The following DCLK1 variants were observed in gnomAD, a reference collection of about 807,000 sequenced individuals.
DCLK1 encodes the protein doublecortin like kinase 1, also known as serine/threonine-protein kinase DCLK1.
A neutral mutation model predicts 86.2 loss-of-function variants in DCLK1; 16 were observed. That is an observed-to-expected ratio of 0.19 (90% CI 0.13 to 0.28). The LOEUF is 0.28. DCLK1 is among the 10% of genes least tolerant of loss of function. The probability of loss-of-function intolerance (pLI) is 1.00; values close to 1 mark genes in which losing one functional copy is unlikely to be tolerated. For missense variants in DCLK1, 590 were observed against 940.2 expected, an observed-to-expected ratio of 0.63 and a Z score of 4.87; for synonymous variants, 369 against 370.5, an observed-to-expected ratio of 1.00 and a Z score of 0.05.
At chr13:35,936,695 C>T (rs556856566) in intron 4 of DCLK1, among the ~76,000 whole-genome samples, 5 of 152,260 alleles carry the variant, frequency 3.3e-5, no homozygotes, top group African/African-American at 1.2e-4. Context: ...CTGAAGGAGG[C>T]TTGGCTGTAC....
intron 3 of DCLK1, among the ~76,000 whole-genome samples, chr13:36,068,697 A>T (rs185743829): frequency 2.6e-5 from 4 of 152,102 alleles, no homozygotes; most frequent in Non-Finnish European, 2.9e-5. Context: ...AAGACACACA[A>T]CTCAAATTAA....
rs186418511 is a variant in DCLK1 at position 35,915,662 on chromosome 13, C to A, written c.823+31696G>T. Among the ~76,000 whole-genome samples the A allele has an allele frequency of 1.8e-3, 281 of 151,930 alleles. 4 individuals are homozygous for A. The highest frequency in any genetic ancestry group is 0.013 in the South Asian group (65 of 4,820). On this transcript the variant is annotated intron_variant, in intron 4 of 16. Coordinates refer to ENST00000360631, the MANE Select transcript of DCLK1 (RefSeq NM_001330071.2). ...GAGGCTGCAGTGAGCTGTGATCACA[C>A]CACTGCACTCCAGCCTGGGTGACCC...
chr13:36,065,342 T>C (rs1281165295), intron 3 of DCLK1, among the ~76,000 whole-genome samples: 1 of 152,222 alleles, frequency 6.6e-6, no homozygotes, highest in Non-Finnish European at 1.5e-5. Context: ...AAATGTTAGC[T>C]GGTATTCCAG....
chr13:35,853,552 G>T (rs1402850777), intron 6 of DCLK1, among the ~76,000 whole-genome samples: 2 of 152,142 alleles, frequency 1.3e-5, no homozygotes, highest in African/African-American at 2.4e-5. Flanking sequence ...TTGAAGAGAG[G>T]GCCTTCCATC....
intron 2 of DCLK1, among the ~76,000 whole-genome samples, chr13:36,113,070 T>C (rs1171664606): frequency 6.6e-6 from 1 of 152,212 alleles, no homozygotes; most frequent in Admixed American, 6.5e-5. Flanking sequence ...AAATTAAAGA[T>C]TTTGTAATGG....
At chr13:35,879,687 C>T (rs1872774092) in intron 4 of DCLK1, among the ~76,000 whole-genome samples, 1 of 152,140 alleles carries the variant, frequency 6.6e-6, no homozygotes, top group Non-Finnish European at 1.5e-5. Flanking sequence ...GAGTTTCAAC[C>T]CCGGGGGAAA....
intron 6 of DCLK1, chr13:35,849,517 GCTTAAATACAATAGACCATACACA>G (rs1870453704): frequency 1.0e-6 from 1 of 981,142 alleles, no homozygotes; most frequent in Non-Finnish European, 1.2e-6. Context: ...CTAGGATATG[GCTTAAATACAATAGACCATACACA>G]TTAAATTAAT....
chr13:35,777,118 G>T lies in DCLK1; in HGVS notation c.2059-2419C>A, dbSNP rs1268373962. Among the ~76,000 whole-genome samples, 3 of 152,192 alleles carry T rather than the reference G, an allele frequency of 2.0e-5. No individual in the cohort carries two copies. In the East Asian group the frequency reaches 5.8e-4, roughly 29 times the overall value. On this transcript the variant is annotated intron_variant, in intron 16 of 16. Coordinates refer to ENST00000360631, the MANE Select transcript of DCLK1 (RefSeq NM_001330071.2). ...TTCCCTACTCAGCAGCTTTCTAAAT[G>T]TTCACCTTTGTAGATAAGACCTCAT...
rs867346626 is a variant in DCLK1 at position 36,039,870 on chromosome 13, C to T, written c.723+71999G>A. On this transcript the variant is annotated intron_variant, in intron 3 of 16. Transcript: ENST00000360631. Reference sequence around the variant, plus strand: ...TCCCTAAATTTAAAATGAAGATGGCCTTACTAAGTAGCAGATATTTATATA... The same window carrying T: ...TCCCTAAATTTAAAATGAAGATGGCTTTACTAAGTAGCAGATATTTATATA... Among the ~76,000 whole-genome samples the T allele has an allele frequency of 2.6e-5, 4 of 151,732 alleles. No homozygotes were observed. The South Asian group carries it at 8.3e-4, about 32-fold the overall frequency.
At chr13:35,804,970 C>T (rs904010952) in intron 15 of DCLK1, among the ~76,000 whole-genome samples, 2 of 152,164 alleles carry the variant, frequency 1.3e-5, no homozygotes, top group Non-Finnish European at 2.9e-5. Context: ...TTTGTGAGCA[C>T]ATTCAAGTTT....
chr13:36,032,601 G>T (rs1882326729), intron 3 of DCLK1, among the ~76,000 whole-genome samples: 1 of 152,152 alleles, frequency 6.6e-6, no homozygotes, highest in Non-Finnish European at 1.5e-5. Flanking sequence ...AAGGATATAG[G>T]TCAAATGGAC....
At chr13:36,105,480 G>C (rs1280252281) in intron 3 of DCLK1, among the ~76,000 whole-genome samples, 1 of 152,074 alleles carries the variant, frequency 6.6e-6, no homozygotes, top group South Asian at 2.1e-4. Context: ...ACAATATACA[G>C]ATGATGAAAC....
chr13:35,923,633 G>A (rs1294766411), intron 4 of DCLK1, among the ~76,000 whole-genome samples: 2 of 152,056 alleles, frequency 1.3e-5, no homozygotes, highest in Non-Finnish European at 2.9e-5. Context: ...CACTGTCTGT[G>A]AGCAGAAAGT....
At chr13:35,867,966 A>AAAGAAAGAAAGAAAGAAAGAAAGG (rs1483381630) in intron 5 of DCLK1, among the ~76,000 whole-genome samples, 3 of 146,610 alleles carry the variant, frequency 2.0e-5, no homozygotes, top group Non-Finnish European at 3.0e-5. Context: ...AGAAAGAAAG[A>AAAGAAAGAAAGAAAGAAAGAAAGG]GAAAAAGAAA....
chr13:35,812,013 G>T (rs1240402675), intron 11 of DCLK1, among the ~76,000 whole-genome samples: 1 of 152,158 alleles, frequency 6.6e-6, no homozygotes, highest in Non-Finnish European at 1.5e-5. Context: ...AATTTGGAAA[G>T]ATTTATCAGG....
At chr13:35,805,457 C>T in intron 15 of DCLK1, 1 of 428,370 alleles carries the variant, frequency 2.3e-6, no homozygotes, top group Non-Finnish European at 4.2e-6. Flanking sequence ...CCACTATGCC[C>T]AGCTAATTTT....
chr13:36,120,227 A>T (rs1395814240), intron 2 of DCLK1, among the ~76,000 whole-genome samples: 1 of 152,204 alleles, frequency 6.6e-6, no homozygotes, highest in Non-Finnish European at 1.5e-5. Flanking sequence ...AACACATTTG[A>T]TTATATAATT....
chr13:35,866,453 CTTT>C (rs34793570), intron 5 of DCLK1, among the ~76,000 whole-genome samples: 49 of 134,240 alleles, frequency 3.7e-4, no homozygotes, highest in Admixed American at 3.8e-4. Context: ...AACAAAGACT[CTTT>C]TTTTTTTTTT....
chr13:35,986,234 G>C (rs1015075418), intron 3 of DCLK1, among the ~76,000 whole-genome samples: 1 of 145,062 alleles, frequency 6.9e-6, no homozygotes, highest in Non-Finnish European at 1.5e-5. Flanking sequence ...CCTGGGAGTC[G>C]GAGGTTGCAG....
Sources: gnomAD v4.1 joint callset for allele counts (sites outside exome capture counted in the v4.1 genomes callset) on GRCh38, gnomAD v4.1.1 for gene constraint, MANE v1.5 for transcripts, NCBI Gene and HGNC (gene_info 2026-07-23, HGNC 2026-07-21) for gene names.